The following BEND5 variants were observed in gnomAD, a reference collection of about 807,000 sequenced individuals.
BEND5 encodes the protein BEN domain-containing protein 5.
A neutral mutation model predicts 43.9 loss-of-function variants in BEND5; 22 were observed. The observed-to-expected ratio is 0.50, with a 90% CI of 0.36 to 0.72. BEND5 has a LOEUF of 0.72. Ranked by LOEUF, BEND5 falls within the 30% of genes least tolerant of loss-of-function variation. The pLI, the probability that BEND5 is intolerant of heterozygous loss-of-function variation, is 0.00. For synonymous variants in BEND5, 228 were observed against 225.9 expected (o/e 1.01, Z -0.08); for missense variants, 428 against 550.6 (o/e 0.78, Z 2.23).
At chr1:48,729,299 C>T (rs1647711345) in intron 5 of BEND5, among the ~76,000 whole-genome samples, 2 of 152,146 alleles carry the variant, frequency 1.3e-5, no homozygotes, top group South Asian at 2.1e-4. Context: ...TGAATAAATG[C>T]TTTTCCAGGG....
intron 1 of BEND5, among the ~76,000 whole-genome samples, chr1:48,772,066 T>G (rs772572167): frequency 7.9e-5 from 12 of 152,324 alleles, no homozygotes; most frequent in Non-Finnish European, 1.2e-4. Flanking sequence ...CCAAAGTTGA[T>G]GAGTTCAACA....
chr1:48,763,544 T>G (rs1644383180), intron 1 of BEND5, among the ~76,000 whole-genome samples: 1 of 152,048 alleles, frequency 6.6e-6, no homozygotes, highest in South Asian at 2.1e-4. Flanking sequence ...GAGGGTGGTA[T>G]TAGGATTTCT....
At position 48,767,663 on chromosome 1, in the gene BEND5, C is replaced by G. The variant is rs75688446; in HGVS notation, c.227-6193G>C. Among the ~76,000 whole-genome samples, 3 of 152,282 alleles carry G rather than the reference C, an allele frequency of 2.0e-5. No homozygotes were observed. The East Asian group carries it at 5.8e-4, about 29-fold the overall frequency. ...GAATTCCAAGAAACCACAGAAGAAA[C>G]TAGGAAGGATGAAAAAGCTCTTTAC... is the stretch of plus-strand genomic sequence containing the variant. On this transcript the variant is annotated intron_variant, in intron 1 of 5. Coordinates refer to ENST00000371833, the MANE Select transcript of BEND5 (RefSeq NM_024603.4).
chr1:48,773,674 T>C (rs936239945), intron 1 of BEND5, among the ~76,000 whole-genome samples: 2 of 152,190 alleles, frequency 1.3e-5, no homozygotes, highest in Non-Finnish European at 2.9e-5. Context: ...GATGGGAACA[T>C]CGGCTACTTT....
intron 1 of BEND5, among the ~76,000 whole-genome samples, chr1:48,764,463 A>G (rs1420017897): frequency 6.6e-6 from 1 of 152,226 alleles, no homozygotes; most frequent in Non-Finnish European, 1.5e-5. Flanking sequence ...CAAGAGGGGT[A>G]AAGAATAGAA....
intron 1 of BEND5, among the ~76,000 whole-genome samples, chr1:48,772,815 G>C (rs1644902409): frequency 6.6e-6 from 1 of 152,152 alleles, no homozygotes; most frequent in Non-Finnish European, 1.5e-5. Context: ...GGTGGAGCTG[G>C]AAAAGAAAAA....
intron 5 of BEND5, among the ~76,000 whole-genome samples, chr1:48,732,903 A>G (rs1008963976): frequency 1.3e-5 from 2 of 152,180 alleles, no homozygotes; most frequent in African/African-American, 2.4e-5. Context: ...AGAGATGGGA[A>G]GAAATCCCCA....
chr1:48,753,106 T>A (rs894305088), intron 3 of BEND5, among the ~76,000 whole-genome samples: 4 of 152,164 alleles, frequency 2.6e-5, no homozygotes, highest in Admixed American at 2.6e-4. Context: ...CTTGTACAGA[T>A]GAGGAAACTA....
chr1:48,763,450 T>G (rs1644374701), intron 1 of BEND5, among the ~76,000 whole-genome samples: 1 of 152,120 alleles, frequency 6.6e-6, no homozygotes, highest in Non-Finnish European at 1.5e-5. Flanking sequence ...CAGATGAAAT[T>G]ATCTTGCAAT....
In BEND5 at chr1:48,727,882, A is replaced by G. The variant is rs768598961; in HGVS notation, c.*4T>C. The G allele has an allele frequency of 6.3e-7, 1 of 1,594,044 alleles. No individual in the cohort carries two copies. ...ACACGAAAGCTTTATGAAAAATCCA[A>G]AGTTTATTGCAAATTGTATTTTGCT... On this transcript the variant is annotated 3_prime_UTR_variant, in exon 6 of 6. Transcript: ENST00000371833.
At chr1:48,749,847 A>G (rs1435388777) in intron 3 of BEND5, among the ~76,000 whole-genome samples, 2 of 152,210 alleles carry the variant, frequency 1.3e-5, no homozygotes, top group Non-Finnish European at 2.9e-5. Flanking sequence ...ACGCCCTGTC[A>G]AGGAAGCATT....
At chr1:48,772,656 G>A (rs1644894922) in intron 1 of BEND5, among the ~76,000 whole-genome samples, 1 of 152,124 alleles carries the variant, frequency 6.6e-6, no homozygotes, top group African/African-American at 2.4e-5. Context: ...GCTACAGAAG[G>A]TTCTAATGAG....
At chr1:48,772,189 C>G (rs900810071) in intron 1 of BEND5, among the ~76,000 whole-genome samples, 2 of 152,148 alleles carry the variant, frequency 1.3e-5, no homozygotes, top group African/African-American at 4.8e-5. Flanking sequence ...ACATTCATGA[C>G]TAATAAAAAC....
At chr1:48,760,424 C>T (rs925218723) in intron 2 of BEND5, among the ~76,000 whole-genome samples, 3 of 152,210 alleles carry the variant, frequency 2.0e-5, no homozygotes, top group African/African-American at 7.2e-5. Flanking sequence ...CCCAATGAAA[C>T]CATGACTCTG....
chr1:48,748,422 G>A (rs932766807), intron 3 of BEND5, among the ~76,000 whole-genome samples: 11 of 152,212 alleles, frequency 7.2e-5, no homozygotes, highest in African/African-American at 2.4e-5. Flanking sequence ...GTGCTTCACT[G>A]TCCAGCAGTG....
intron 1 of BEND5, among the ~76,000 whole-genome samples, chr1:48,774,936 TAGG>T (rs2148705163): frequency 6.6e-6 from 1 of 152,298 alleles, no homozygotes; most frequent in African/African-American, 2.4e-5. Flanking sequence ...CTTCCAGATC[TAGG>T]AGTACAATAC....
Position 48,752,970 on chromosome 1 carries a change from G to A in BEND5, c.745+5930C>T, listed in dbSNP as rs61772571. 4.6e-5 allele frequency among the ~76,000 whole-genome samples: 7 copies of A among 151,908 alleles called. No individual in the cohort carries two copies. In the East Asian group the frequency reaches 5.8e-4, roughly 13 times the overall value. ...TCACCATGTTGGCCAGGATGGTCTC[G>A]ATCTCTTGACCTCGTGATCCGCCTG... On this transcript the variant is annotated intron_variant, in intron 3 of 5. Transcript: ENST00000371833.
chr1:48,768,241 C>A (rs1423160939), intron 1 of BEND5, among the ~76,000 whole-genome samples: 2 of 152,074 alleles, frequency 1.3e-5, no homozygotes, highest in Non-Finnish European at 2.9e-5. Context: ...TTGCCTACAC[C>A]CTAAGAGAAT....
At chr1:48,747,293 CACTTGAGGTT>C (rs1176055235) in intron 3 of BEND5, among the ~76,000 whole-genome samples, 1 of 152,140 alleles carries the variant, frequency 6.6e-6, no homozygotes, top group African/African-American at 2.4e-5. Flanking sequence ...TATTGACACA[CACTTGAGGTT>C]TATTTTGGGG....
Sources: gnomAD v4.1 joint callset for allele counts (sites outside exome capture counted in the v4.1 genomes callset) on GRCh38, gnomAD v4.1.1 for gene constraint, MANE v1.5 for transcripts, NCBI Gene and HGNC (gene_info 2026-07-23, HGNC 2026-07-21) for gene names.